Variants in ARID2 observed in about 807,000 individuals in gnomAD.
ARID2 encodes AT-rich interaction domain 2.
In ARID2, 32 loss-of-function variants were observed where a neutral mutation model predicts 184.6. The ratio of observed to expected loss-of-function variants is 0.17; its 90% CI spans 0.13 to 0.23. The LOEUF (loss-of-function observed/expected upper bound fraction) is 0.23. Ranked by LOEUF, ARID2 falls within the 10% of genes least tolerant of loss-of-function variation. The pLI is 1.00. For synonymous variants in ARID2, 836 were observed against 772.6 expected (o/e 1.08, Z -1.36); for missense variants, 1,696 against 2,197.6 (o/e 0.77, Z 4.56).
At chr12:45,900,762 T>G (rs1292979317) in intron 20 of ARID2, among the ~76,000 whole-genome samples, 1 of 152,240 alleles carries the variant, frequency 6.6e-6, no homozygotes, top group African/African-American at 2.4e-5. Flanking sequence ...TCTTGATAGT[T>G]GTTGGCTGTA....
intron 16 of ARID2, among the ~76,000 whole-genome samples, chr12:45,876,467 T>A (rs1404491135): frequency 6.7e-6 from 1 of 150,164 alleles, no homozygotes; most frequent in Non-Finnish European, 1.5e-5. Context: ...GGAGAATCGT[T>A]TGAGCCCGGA....
chr12:45,867,612 G>A (rs997279455), intron 16 of ARID2, among the ~76,000 whole-genome samples: 17 of 151,522 alleles, frequency 1.1e-4, no homozygotes, highest in African/African-American at 3.2e-4. Context: ...GCATGGTGGC[G>A]GGCGCCTGTA....
intron 5 of ARID2, among the ~76,000 whole-genome samples, chr12:45,821,200 T>C (rs966518592): frequency 3.9e-5 from 6 of 152,008 alleles, no homozygotes; most frequent in African/African-American, 1.4e-4. Context: ...TGAAAAAGAG[T>C]CTATATTATT....
At chr12:45,782,350 A>G (rs186323305) in intron 3 of ARID2, among the ~76,000 whole-genome samples, 1 of 152,078 alleles carries the variant, frequency 6.6e-6, no homozygotes, top group Non-Finnish European at 1.5e-5. Flanking sequence ...ATCTGAATCA[A>G]GCTGGGCACG....
intron 6 of ARID2, among the ~76,000 whole-genome samples, chr12:45,827,226 T>C (rs970948215): frequency 6.6e-5 from 10 of 152,020 alleles, no homozygotes; most frequent in Admixed American, 2.0e-4. Context: ...TTCATATTGT[T>C]ATCCAGAATT....
chr12:45,807,948 T>TC (rs1167667342), intron 3 of ARID2, among the ~76,000 whole-genome samples: 1 of 152,176 alleles, frequency 6.6e-6, no homozygotes, highest in African/African-American at 2.4e-5. Context: ...GAACTCTTTT[T>TC]CCCCCATTAT....
chr12:45,751,744 A>G (rs921988992), intron 3 of ARID2, among the ~76,000 whole-genome samples: 2 of 152,232 alleles, frequency 1.3e-5, no homozygotes, highest in Non-Finnish European at 2.9e-5. Context: ...ACAGCATGCT[A>G]CATACTGAAT....
intron 3 of ARID2, among the ~76,000 whole-genome samples, chr12:45,777,331 A>G (rs1236924299): frequency 6.6e-6 from 1 of 152,114 alleles, no homozygotes; most frequent in Non-Finnish European, 1.5e-5. Context: ...CTGTTAGTCT[A>G]TTTGAGAATT....
At position 45,893,440 on chromosome 12, in the gene ARID2, C is replaced by A; in HGVS notation, c.5168C>A (p.Thr1723Lys). The change falls in exon 19 of 21, where the codon ACA (threonine) becomes AAA (lysine). Residue 1723 changes from threonine to lysine, a missense_variant. Coordinates refer to ENST00000334344, the MANE Select transcript of ARID2 (RefSeq NM_152641.4). ...TTTAGGCAGCCAACTGTAGGGGGCA[C>A]AAGCTCAACTCCTAGAGCACAAAAG... ...SSTKQPTVGG[T>K]SSTPRAQKAI... 1 of 1,613,682 alleles carries A rather than the reference C, an allele frequency of 6.2e-7. No individual in the cohort carries two copies. The highest frequency in any genetic ancestry group is 8.5e-7 in the Non-Finnish European group (1 of 1,179,774).
In ARID2 at chr12:45,904,233, G is replaced by A. The variant is rs150518515; in HGVS notation, c.5364-701G>A. 4.3e-3 allele frequency: 2,603 copies of A among 611,686 alleles called. 13 individuals are homozygous for A. The highest frequency in any genetic ancestry group is 0.02 in the Middle Eastern group (78 of 3,880). 37.9% of individuals were successfully genotyped at this position (611,686 alleles called of 1,614,324 possible). On this transcript the variant is annotated intron_variant, in intron 20 of 20. Coordinates refer to ENST00000334344, the MANE Select transcript of ARID2 (RefSeq NM_152641.4). ...CTTGGTTTCACTTAATGAAGACTAA[G>A]AAGCTTTAATTATACCTACAATATA...
In ARID2 at chr12:45,842,755, C is replaced by CA. The variant is rs1242038485; in HGVS notation, c.1498+3273dup. 1.5e-3 allele frequency among the ~76,000 whole-genome samples: 204 copies of CA among 131,950 alleles called. 1 individual carries two copies. Among genetic ancestry groups the CA allele is most frequent in the Middle Eastern group, 3.9e-3 (1 of 254 alleles). The allele number at this position is 131,950 out of a possible 152,430, so 86.6% of individuals were successfully genotyped here. On this transcript the variant is annotated intron_variant, in intron 11 of 20. Coordinates refer to ENST00000334344, the MANE Select transcript of ARID2 (RefSeq NM_152641.4). The stretch of plus-strand genomic sequence containing the variant: ...TTGGTGACAGACCAAGACTCCATCT[C>CA]AAAAAAAAAAAAAATTATTAAACAA...
chr12:45,737,747 A>G (rs997376851), intron 3 of ARID2, among the ~76,000 whole-genome samples: 23 of 152,126 alleles, frequency 1.5e-4, no homozygotes, highest in African/African-American at 4.6e-4. Flanking sequence ...AATGAAACCA[A>G]TTTAGTTGCT....
At chr12:45,814,628 G>A (rs1325677679) in intron 4 of ARID2, among the ~76,000 whole-genome samples, 7 of 152,204 alleles carry the variant, frequency 4.6e-5, no homozygotes, top group South Asian at 4.2e-4. Flanking sequence ...TAGCCTAGGC[G>A]ACAGAGCAAA....
intron 3 of ARID2, among the ~76,000 whole-genome samples, chr12:45,767,359 G>T (rs1941790942): frequency 6.6e-6 from 1 of 151,926 alleles, no homozygotes; most frequent in Non-Finnish European, 1.5e-5. Context: ...AAAAAAGGAA[G>T]AATTTTTAGT....
chr12:45,862,495 C>G (rs1355691872), intron 16 of ARID2, among the ~76,000 whole-genome samples: 4 of 151,818 alleles, frequency 2.6e-5, no homozygotes, highest in African/African-American at 9.7e-5. Flanking sequence ...TTTTTCATGG[C>G]AAATAGTAGT....
At chr12:45,811,213 A>T (rs940726708) in intron 3 of ARID2, among the ~76,000 whole-genome samples, 1 of 152,072 alleles carries the variant, frequency 6.6e-6, no homozygotes, top group Non-Finnish European at 1.5e-5. Flanking sequence ...TGTCTCAAAA[A>T]AAAAAAAAAG....
intron 3 of ARID2, among the ~76,000 whole-genome samples, chr12:45,754,888 A>G (rs1941537315): frequency 6.6e-6 from 1 of 152,236 alleles, no homozygotes; most frequent in Non-Finnish European, 1.5e-5. Context: ...ATAATTGGAA[A>G]TAAGAAAAGT....
At chr12:45,765,325 G>A (rs1002695424) in intron 3 of ARID2, among the ~76,000 whole-genome samples, 3 of 151,954 alleles carry the variant, frequency 2.0e-5, no homozygotes, top group Non-Finnish European at 4.4e-5. Flanking sequence ...TCCCATGATA[G>A]CCTCTCAAGT....
In ARID2 at chr12:45,906,473, T is replaced by C. The variant is rs1944532656; in HGVS notation, c.*1395T>C. On this transcript the variant is annotated 3_prime_UTR_variant, in exon 21 of 21. Transcript: ENST00000334344. ...AGTAAAAAATATAGACCTAACAGTT[T>C]ATGTTATAGAATGGCTTTATTTACT... The C allele has an allele frequency of 4.3e-6, 1 of 233,022 alleles. No homozygotes were observed. The highest frequency in any genetic ancestry group is 6.1e-5 in the East Asian group (1 of 16,392). The allele number at this position is 233,022 out of a possible 1,614,324, so 14.4% of individuals were successfully genotyped here.
Sources: gnomAD v4.1 joint callset for allele counts (sites outside exome capture counted in the v4.1 genomes callset) on GRCh38, gnomAD v4.1.1 for gene constraint, MANE v1.5 for transcripts, NCBI Gene and HGNC (gene_info 2026-07-23, HGNC 2026-07-21) for gene names.